The following TAF1C variants were observed in gnomAD, a reference collection of about 807,000 sequenced individuals.
TAF1C encodes the protein TATA box-binding protein-associated factor RNA polymerase I subunit C.
In TAF1C, 79 loss-of-function variants were observed where a neutral mutation model predicts 70.5. The observed-to-expected ratio is 1.12, with a 90% confidence interval of 0.93 to 1.35. The LOEUF is 1.35. Ranked by LOEUF, TAF1C falls within the 40% of genes most tolerant of loss-of-function variation. The probability of loss-of-function intolerance (pLI) is 0.00; values close to 1 mark genes in which losing one functional copy is unlikely to be tolerated. For missense variants in TAF1C, 1,412 were observed against 1,127.8 expected (o/e 1.25, Z -3.61); for synonymous variants, 614 against 491.1 (o/e 1.25, Z -3.31).
In TAF1C at chr16:84,181,095, C is replaced by T. The variant is rs1462730059; in HGVS notation, c.1256G>A (p.Gly419Glu). The T allele has an allele frequency of 6.2e-7, 1 of 1,613,000 alleles. No individual in the cohort carries two copies. Among genetic ancestry groups the T allele is most frequent in the Non-Finnish European group, 8.5e-7 (1 of 1,179,176 alleles). ...GGGGAGGCATTTGGGGCTGGAGTGC[C>T]CCAGGTACTGGGTAAGCAGGACACG... ...GERVLLTQYL[G>E]HSSPKCLPPT... Residue 419 changes from glycine to glutamate, a missense_variant, in exon 12 of 15, where the codon GGG (glycine) becomes GAG (glutamate). Gly to Glu is a moderately conservative substitution (Grantham distance 98, BLOSUM62 -2). Coordinates refer to ENST00000566732, the MANE Select transcript of TAF1C (RefSeq NM_001243156.2).
chr16:84,180,827 G>A, intron 12 of TAF1C: 5 of 1,375,654 alleles, frequency 3.6e-6, no homozygotes, highest in Non-Finnish European at 4.7e-6. Context: ...GCACCTCGAA[G>A]CTCTACTAAG....
chr16:84,181,702 C>G, intron 9 of TAF1C, 39 bp from the exon 10 acceptor site: 1 of 1,613,906 alleles, frequency 6.2e-7, no homozygotes. Context: ...GCTGCTCAGC[C>G]CTGCCTCCAG....
rs779421471 is a variant in TAF1C at position 84,179,606 on chromosome 16, C to G, written c.1867G>C (p.Ala623Pro). 2 of 1,612,756 alleles carry G rather than the reference C, an allele frequency of 1.2e-6. No individual in the cohort carries two copies. Among genetic ancestry groups the G allele is most frequent in the East Asian group, 4.5e-5 (2 of 44,870 alleles). The change falls in exon 15 of 15, where the codon GCT (alanine) becomes CCT (proline). Residue 623 changes from alanine (A) to proline (P), a missense_variant. Ala to Pro is a conservative substitution (Grantham distance 27). Transcript: ENST00000566732. ...WLKALLKVPL[A>P]PPVWTAPTFT... is the part of the protein sequence containing the mutation. The stretch of plus-strand genomic sequence containing the variant: ...GTGGGTGCTGTCCACACAGGAGGAG[C>G]CAGGGGCACTTTTAGCAGGGCCTTC...
chr16:84,179,227 G>A lies in TAF1C; in HGVS notation c.2246C>T (p.Pro749Leu), dbSNP rs1344799404. Residue 749 changes from proline (P) to leucine (L), a missense_variant, in exon 15 of 15, where the codon CCT (proline) becomes CTT (leucine). Coordinates refer to ENST00000566732, the MANE Select transcript of TAF1C (RefSeq NM_001243156.2). ...AGCAGGTGGCCACTCAGGGCTATGA[G>A]GGGAGCTGGTGTCCTCTGAGGGATC... ...HVDPSEDTSS[P>L]HSPEWPPADA... 10 of 1,584,762 alleles carry A rather than the reference G, an allele frequency of 6.3e-6. No individual in the cohort carries two copies. Among genetic ancestry groups the A allele is most frequent in the South Asian group, 1.1e-5 (1 of 88,986 alleles).
chr16:84,183,735 G>A lies in TAF1C; in HGVS notation c.182C>T (p.Ala61Val), dbSNP rs1460378327. 1 of 1,613,118 alleles carries A rather than the reference G, an allele frequency of 6.2e-7. No individual in the cohort carries two copies. The highest frequency in any genetic ancestry group is 8.5e-7 in the Non-Finnish European group (1 of 1,179,386). ...CAGCATGGGGAGAGGCCCAGGGGTT[G>A]CCGGCTCCCACAGCAGGTCCTTGGT... Reference protein sequence around the residue: ...HVTKDLLWEPATPGPLPMLPP... With the variant: ...HVTKDLLWEPVTPGPLPMLPP... The change falls in exon 3 of 15, where the codon GCA (alanine) becomes GTA (valine). Residue 61 changes from alanine (A) to valine (V), a missense_variant. Coordinates refer to ENST00000566732, the MANE Select transcript of TAF1C (RefSeq NM_001243156.2).
chr16:84,184,205 G>A (rs1269100386), intron 2 of TAF1C, among the ~76,000 whole-genome samples: 2 of 152,200 alleles, frequency 1.3e-5, no homozygotes, highest in South Asian at 2.1e-4. Flanking sequence ...CAGACATTCA[G>A]GGGACAAAAG....
Position 84,182,158 on chromosome 16 carries a change from A to G in TAF1C, c.721+44T>C. The G allele has an allele frequency of 6.3e-7, 1 of 1,593,300 alleles. No homozygotes were observed. Among genetic ancestry groups the G allele is most frequent in the Non-Finnish European group, 8.6e-7 (1 of 1,168,012 alleles). Reference sequence around the variant, plus strand: ...CCATGCCAAGAGCACCTCCTCTACCAGAGGCGAGCCCGCTGGAATCTCCTG... The same window carrying G: ...CCATGCCAAGAGCACCTCCTCTACCGGAGGCGAGCCCGCTGGAATCTCCTG... On this transcript the variant is annotated intron_variant, in intron 7 of 14. Coordinates refer to ENST00000566732, the MANE Select transcript of TAF1C (RefSeq NM_001243156.2). This position sits in a 1 kb window ranked among gnomAD's most constrained non-coding sequence, Gnocchi z 5.0.
At chr16:84,183,031 A>G (rs2089290527) in intron 6 of TAF1C, 45 bp downstream of exon 6, 7 of 1,602,068 alleles carry the variant, frequency 4.4e-6, no homozygotes, top group Non-Finnish European at 6.0e-6. Context: ...CATCCCCACC[A>G]CCAGCTATGC....
rs1429792421 is a variant in TAF1C, at chr16:84,178,879, A to G, written c.*62T>C. ...CTCAAGTTTCAACTGTGGAAGGCAC[A>G]TCTGGTCCCAGAGGAAGGATGAGGG... On this transcript the variant is annotated 3_prime_UTR_variant, in exon 15 of 15. Transcript: ENST00000566732. The G allele has an allele frequency of 2.0e-6, 3 of 1,493,820 alleles. No individual in the cohort carries two copies. Among genetic ancestry groups the G allele is most frequent in the Non-Finnish European group, 2.7e-6 (3 of 1,118,952 alleles). The allele number at this position is 1,493,820 out of a possible 1,614,324, so 92.5% of individuals were successfully genotyped here.
chr16:84,184,964 G>A lies in TAF1C; in HGVS notation c.25C>T (p.Pro9Ser). Residue 9 changes from proline (P) to serine (S), a missense_variant, in exon 2 of 15, where the codon CCT (proline) becomes TCT (serine). By Grantham distance (74) the Pro-to-Ser change is moderately conservative. Coordinates refer to ENST00000566732, the MANE Select transcript of TAF1C (RefSeq NM_001243156.2). MDFPSSLR[P>S]ALFLTGPLGL... ...AGGGGGCCGGTCAGAAACAATGCAG[G>A]GCGGAGGGAGCTGGGGAAGTCCATC... 1.2e-6 allele frequency: 2 copies of A among 1,613,814 alleles called. No individual in the cohort carries two copies. Among genetic ancestry groups the A allele is most frequent in the Non-Finnish European group, 1.7e-6 (2 of 1,179,870 alleles).
intron 1 of TAF1C, chr16:84,185,686 A>C (rs2089442535): frequency 6.6e-6 from 1 of 152,244 alleles, no homozygotes; most frequent in African/African-American, 2.4e-5. Flanking sequence ...GGATCACCTG[A>C]GGTCGGGAGT....
intron 1 of TAF1C, among the ~76,000 whole-genome samples, chr16:84,186,095 AAC>A (rs1382151715): frequency 2.0e-5 from 3 of 152,226 alleles, no homozygotes; most frequent in Non-Finnish European, 2.9e-5. Context: ...CGTCCCTGTT[AAC>A]AGAGTTCAGG....
At chr16:84,181,497 C>A (rs757306254) in intron 10 of TAF1C, 34 bp from the exon 11 acceptor site, 9 of 1,613,522 alleles carry the variant, frequency 5.6e-6, no homozygotes, top group Non-Finnish European at 6.8e-6. Context: ...GGCAGGGGGA[C>A]AGGCTGATGG....
rs753421384 is a variant in TAF1C at position 84,183,249 on chromosome 16, C to T, written c.403G>A (p.Ala135Thr). ...LMLENFKLEGAGSRTKKKTVV... is the reference protein window; with the variant it reads ...LMLENFKLEGTGSRTKKKTVV... ...TGGAGTCACGGGCCACTCACCCCCG[C>T]TCCCTCCAGCTTGAAATTCTCCAGC... The change falls in exon 5 of 15, where the codon GCG (alanine) becomes ACG (threonine). Residue 135 changes from alanine (A) to threonine (T), a missense_variant. Coordinates refer to ENST00000566732, the MANE Select transcript of TAF1C (RefSeq NM_001243156.2). 1 of 1,614,048 alleles carries T rather than the reference C, an allele frequency of 6.2e-7. No individual in the cohort carries two copies.
In TAF1C at chr16:84,183,699, A is replaced by T; in HGVS notation, c.218T>A (p.Ile73Asn). The T allele has an allele frequency of 1.2e-6, 2 of 1,611,338 alleles. No individual in the cohort carries two copies. The highest frequency in any genetic ancestry group is 1.7e-6 in the Non-Finnish European group (2 of 1,178,354). Residue 73 changes from isoleucine to asparagine, a missense_variant and splice_region_variant, in exon 3 of 15, where the codon ATC (isoleucine) becomes AAC (asparagine). Ile to Asn is a moderately radical substitution (Grantham distance 149). Coordinates refer to ENST00000566732, the MANE Select transcript of TAF1C (RefSeq NM_001243156.2). The stretch of plus-strand genomic sequence containing the variant: ...GCCCGGGGGAATGAGACCCTTACCG[A>T]TGAGGGGAGGCAGCATGGGGAGAGG... ...PGPLPMLPPL[I>N]DPWDPGLTAR...
At position 84,181,577 on chromosome 16, in the gene TAF1C, A is replaced by T; in HGVS notation, c.1028+15T>A. 2.5e-6 allele frequency: 4 copies of T among 1,613,928 alleles called. No individual in the cohort carries two copies. The highest frequency in any genetic ancestry group is 3.4e-6 in the Non-Finnish European group (4 of 1,179,966). On this transcript the variant is annotated intron_variant, in intron 10 of 14. Coordinates refer to ENST00000566732, the MANE Select transcript of TAF1C (RefSeq NM_001243156.2). Reference sequence around the variant, plus strand: ...AGTTCGTTAGGGTGGGGGGTTTCACAGGAAGCGGCGATACCCATCCTCAGG... The same window carrying T: ...AGTTCGTTAGGGTGGGGGGTTTCACTGGAAGCGGCGATACCCATCCTCAGG...
Position 84,179,133 on chromosome 16 carries a change from G to C in TAF1C, c.2340C>G (p.Gly780=), listed in dbSNP as rs1404345475. Residue 780 remains glycine, a synonymous_variant, in exon 15 of 15, where the codon GGC becomes GGG. Transcript: ENST00000566732. The part of the protein sequence containing the change: ...QELTPDACAQ[G]VPSEQRQMLR... ...GCATCTGCCGCTGCTCTGATGGGAC[G>C]CCCTGGGCGCATGCATCCGGAGTCA... 1 of 1,608,500 alleles carries C rather than the reference G, an allele frequency of 6.2e-7. No individual in the cohort carries two copies. The highest frequency in any genetic ancestry group is 8.5e-7 in the Non-Finnish European group (1 of 1,179,202).
Position 84,180,247 on chromosome 16 carries a change from G to C in TAF1C, c.1406C>G (p.Pro469Arg). ...CTGCACGCAGCTGGGCCGGGGCGGAGGCAGCAGTCGGGCCAGCAGGAGCGG... is the reference window on the plus strand; with the variant it reads ...CTGCACGCAGCTGGGCCGGGGCGGACGCAGCAGTCGGGCCAGCAGGAGCGG... The part of the protein sequence containing the change: ...PSPLLLARLL[P>R]PPRPSCVQPL... The change falls in exon 13 of 15, where the codon CCT (proline) becomes CGT (arginine). Residue 469 changes from proline to arginine, a missense_variant. Physicochemically the swap from Pro to Arg is moderately radical, Grantham distance 103 (BLOSUM62 -2). Coordinates refer to ENST00000566732, the MANE Select transcript of TAF1C (RefSeq NM_001243156.2). 1 of 1,541,430 alleles carries C rather than the reference G, an allele frequency of 6.5e-7. No individual in the cohort carries two copies. Among genetic ancestry groups the C allele is most frequent in the Non-Finnish European group, 8.7e-7 (1 of 1,147,190 alleles).
intron 2 of TAF1C, 134 bp downstream of exon 2, chr16:84,184,705 CCAGAGGAGGTGG>C: frequency 9.4e-7 from 1 of 1,059,944 alleles, no homozygotes; most frequent in Non-Finnish European, 1.3e-6. Flanking sequence ...CCCATGTACC[CCAGAGGAGGTGG>C]CAGAGCCTGT....
Sources: gnomAD v4.1 joint callset for allele counts (sites outside exome capture counted in the v4.1 genomes callset) on GRCh38, gnomAD v4.1.1 for gene constraint, Gnocchi (gnomAD v3.1) non-coding constraint, MANE v1.5 for transcripts, NCBI Gene and HGNC (gene_info 2026-07-23, HGNC 2026-07-21) for gene names.